GRIP1: variants seen among roughly 807,000 people sequenced by gnomAD.
The protein encoded by GRIP1 is glutamate receptor interacting protein 1, also known as glutamate receptor-interacting protein 1.
GRIP1 carries 45 observed loss-of-function variants against 129.9 expected under a neutral mutation model. That is an observed-to-expected ratio of 0.35 (90% CI 0.27 to 0.44). The LOEUF (loss-of-function observed/expected upper bound fraction) is 0.44, where lower values mean the gene tolerates loss of function less well. Among genes scored for constraint, GRIP1 ranks in the 20% least tolerant of loss-of-function variants. The pLI is 1.00. For synonymous variants in GRIP1, 530 were observed against 520.8 expected (o/e 1.02, Z -0.24); for missense variants, 1,196 against 1,396.8 (o/e 0.86, Z 2.29).
chr12:67,036,153 T>C (rs147481451), intron 1 of GRIP1, among the ~76,000 whole-genome samples: 71 of 152,268 alleles, frequency 4.7e-4, no homozygotes, highest in African/African-American at 1.6e-3. Flanking sequence ...AGGTGATATA[T>C]CCAGAGTCTT....
chr12:66,865,636 CACCCACCCATTCATTCATCT>C, intron 1 of GRIP1, among the ~76,000 whole-genome samples: 1 of 151,938 alleles, frequency 6.6e-6, no homozygotes, highest in Middle Eastern at 3.2e-3. Context: ...ACCATCCATC[CACCCACCCATTCATTCATCT>C]ACCCACCCAC....
intron 1 of GRIP1, among the ~76,000 whole-genome samples, chr12:67,044,870 T>G (rs1436629017): frequency 6.6e-6 from 1 of 152,206 alleles, no homozygotes; most frequent in Non-Finnish European, 1.5e-5. Context: ...CTATAGTAAT[T>G]CTTATCGAGA....
At chr12:67,009,064 T>C (rs1003264071) in intron 1 of GRIP1, among the ~76,000 whole-genome samples, 1 of 152,128 alleles carries the variant, frequency 6.6e-6, no homozygotes, top group African/African-American at 2.4e-5. Flanking sequence ...TATATCAAAA[T>C]AGGATAGCAA....
intron 1 of GRIP1, among the ~76,000 whole-genome samples, chr12:66,803,175 G>A (rs901839515): frequency 1.6e-4 from 24 of 152,134 alleles, no homozygotes; most frequent in Non-Finnish European, 3.5e-4. Context: ...AGACCAGAAC[G>A]AATTAGAATT....
At chr12:67,034,861 A>G (rs2043072491) in intron 1 of GRIP1, among the ~76,000 whole-genome samples, 1 of 152,242 alleles carries the variant, frequency 6.6e-6, no homozygotes. Context: ...CTCATTATGC[A>G]GCACATGACT....
intron 1 of GRIP1, among the ~76,000 whole-genome samples, chr12:66,704,981 T>G (rs1157755560): frequency 1.3e-5 from 2 of 152,112 alleles, no homozygotes; most frequent in African/African-American, 2.4e-5. Flanking sequence ...CTTGTCTAGA[T>G]GTCTTATCTA....
chr12:66,645,347 T>C (rs758319121), intron 1 of GRIP1, among the ~76,000 whole-genome samples: 13 of 152,234 alleles, frequency 8.5e-5, no homozygotes, highest in Non-Finnish European at 1.6e-4. Flanking sequence ...TATTACAGTG[T>C]TTTCTTCACT....
At chr12:66,564,830 G>C (rs2062687038) in intron 2 of GRIP1, among the ~76,000 whole-genome samples, 2 of 152,230 alleles carry the variant, frequency 1.3e-5, no homozygotes, top group South Asian at 2.1e-4. Flanking sequence ...TAACTGGTGT[G>C]AGATGGTATC....
rs1169331519 is a variant in GRIP1 at position 66,451,383 on chromosome 12, G to GTTTTTTTTTTTTTTTTTTTTTTTTTTT, written c.1354+3999_1354+4025dup. The stretch of plus-strand genomic sequence containing the variant: ...CCCCAAAGATTTATTATTATAATCT[G>GTTTTTTTTTTTTTTTTTTTTTTTTTTT]TTTTTTTTTTTTTTTTTTTTTTTTT... On this transcript the variant is annotated intron_variant, in intron 11 of 24. Coordinates refer to ENST00000359742, the MANE Select transcript of GRIP1 (RefSeq NM_001366722.1). 7.0e-5 allele frequency among the ~76,000 whole-genome samples: 3 copies of GTTTTTTTTTTTTTTTTTTTTTTTTTTT among 42,654 alleles called. 1 individual carries two copies. Among genetic ancestry groups the GTTTTTTTTTTTTTTTTTTTTTTTTTTT allele is most frequent in the Non-Finnish European group, 1.3e-4 (3 of 23,900 alleles). 28.0% of individuals were successfully genotyped at this position (42,654 alleles called of 152,430 possible).
chr12:66,367,099 CA>C (rs1167005809), intron 23 of GRIP1, among the ~76,000 whole-genome samples: 1 of 152,140 alleles, frequency 6.6e-6, no homozygotes, highest in Non-Finnish European at 1.5e-5. Flanking sequence ...ATTTCAGAAA[CA>C]GATTAAGTGG....
chr12:66,450,126 C>T (rs1291206279), intron 11 of GRIP1, among the ~76,000 whole-genome samples: 1 of 150,964 alleles, frequency 6.6e-6, no homozygotes, highest in Admixed American at 6.6e-5. Flanking sequence ...GCGTGAAACC[C>T]CATCTCTACT....
intron 1 of GRIP1, among the ~76,000 whole-genome samples, chr12:66,899,157 T>C (rs1357689159): frequency 1.3e-5 from 2 of 152,196 alleles, no homozygotes; most frequent in Non-Finnish European, 2.9e-5. Flanking sequence ...CACCCCAGAC[T>C]GAACTTGATC....
At chr12:66,395,873 A>T in intron 16 of GRIP1, among the ~76,000 whole-genome samples, 1 of 152,218 alleles carries the variant, frequency 6.6e-6, no homozygotes, top group Admixed American at 6.5e-5. Flanking sequence ...TGTGGCCAAT[A>T]GGCTGGTGAT....
rs1183372528 is a variant in GRIP1 at position 66,348,058 on chromosome 12, A to G, written c.*961T>C. The G allele has an allele frequency of 6.6e-6, 1 of 152,192 alleles. No individual in the cohort carries two copies. The highest frequency in any genetic ancestry group is 1.5e-5 in the Non-Finnish European group (1 of 68,036). The allele number at this position is 152,192 out of a possible 1,614,324, so 9.4% of individuals were successfully genotyped here. Reference sequence around the variant, plus strand: ...TTGGCAATGCATTTGTGAAAAATGTATTTACAATTTCGGTAAGTGGCATGG... The same window carrying G: ...TTGGCAATGCATTTGTGAAAAATGTGTTTACAATTTCGGTAAGTGGCATGG... On this transcript the variant is annotated 3_prime_UTR_variant, in exon 25 of 25. Transcript: ENST00000359742.
intron 7 of GRIP1, among the ~76,000 whole-genome samples, chr12:66,479,291 C>T (rs2059728481): frequency 6.6e-6 from 1 of 152,062 alleles, no homozygotes; most frequent in Non-Finnish European, 1.5e-5. Flanking sequence ...CTATAAATAC[C>T]TCTATACAAA....
At chr12:66,958,783 T>C (rs2137524947) in intron 1 of GRIP1, among the ~76,000 whole-genome samples, 1 of 152,306 alleles carries the variant, frequency 6.6e-6, no homozygotes, top group African/African-American at 2.4e-5. Context: ...GGTGTCGAAA[T>C]CATCATACTT....
At chr12:66,663,819 C>T (rs1022293082) in intron 1 of GRIP1, among the ~76,000 whole-genome samples, 4 of 152,188 alleles carry the variant, frequency 2.6e-5, no homozygotes, top group Admixed American at 6.5e-5. Flanking sequence ...CAACGTTTTC[C>T]GTTTGCACCT....
chr12:66,775,665 T>C (rs1434206931), intron 1 of GRIP1, among the ~76,000 whole-genome samples: 3 of 151,700 alleles, frequency 2.0e-5, no homozygotes, highest in Non-Finnish European at 2.9e-5. Context: ...TTGATGAAGA[T>C]AAAAATTTTA....
At chr12:66,930,231 T>C (rs1439011507) in intron 1 of GRIP1, among the ~76,000 whole-genome samples, 1 of 145,768 alleles carries the variant, frequency 6.9e-6, no homozygotes, top group Non-Finnish European at 1.5e-5. Flanking sequence ...GCATTAGGTA[T>C]ATCTCCCGAT....
Sources: allele counts gnomAD v4.1 joint callset (sites outside exome capture counted in the v4.1 genomes callset), GRCh38; gene constraint gnomAD v4.1.1; transcripts MANE v1.5; gene names NCBI Gene and HGNC (gene_info 2026-07-23, HGNC 2026-07-21).